KEL: variants seen among roughly 807,000 people sequenced by gnomAD.
The protein encoded by KEL is kell blood group glycoprotein.
A neutral mutation model predicts 99.5 loss-of-function variants in KEL; 96 were observed. That is an observed-to-expected ratio of 0.97 (90% CI 0.82 to 1.14). KEL has a LOEUF of 1.14. KEL is among the 50% of genes most tolerant of loss of function. KEL has a pLI of 0.00. For missense variants in KEL, 926 were observed against 924.2 expected (o/e 1.00, Z -0.03); for synonymous variants, 355 against 354.8 (o/e 1.00, Z -0.01).
intron 9 of KEL, chr7:142,953,398 T>A: frequency 1.8e-5 from 18 of 984,830 alleles, no homozygotes; most frequent in Non-Finnish European, 2.2e-5. Context: ...GTTCATCTCC[T>A]CATCTCATGT....
rs1191612150 is a variant in KEL, at chr7:142,953,976, G to T, written c.925-20C>A. 2.5e-6 allele frequency: 4 copies of T among 1,612,272 alleles called. No individual in the cohort carries two copies. The highest frequency in any genetic ancestry group is 3.3e-5 in the Admixed American group (2 of 60,008). ...CATTTCCTTAGAGGAGGGACACAAA[G>T]CTGAGGGGGAAAAGGAAAAGAGAAG... is the stretch of plus-strand genomic sequence containing the variant. On this transcript the variant is annotated intron_variant, in intron 8 of 18. Coordinates refer to ENST00000355265, the MANE Select transcript of KEL (RefSeq NM_000420.3).
At chr7:142,948,759 A>G (rs750485479) in intron 10 of KEL, among the ~76,000 whole-genome samples, 9 of 152,184 alleles carry the variant, frequency 5.9e-5, no homozygotes, top group Non-Finnish European at 1.3e-4. Context: ...CAGAGGCATA[A>G]CAGAGAACAG....
chr7:142,952,947 T>A (rs530003358), intron 9 of KEL, among the ~76,000 whole-genome samples: 1 of 152,142 alleles, frequency 6.6e-6, no homozygotes, highest in Non-Finnish European at 1.5e-5. Context: ...AGTCAAGATA[T>A]CTCTGGTTAT....
At chr7:142,961,705 C>G in intron 2 of KEL, 90 bp downstream of exon 2, 1 of 1,319,952 alleles carries the variant, frequency 7.6e-7, no homozygotes, top group Non-Finnish European at 1.1e-6. Context: ...GAGGATGAAG[C>G]AGACAGTTAG....
chr7:142,942,448 G>T lies in KEL; in HGVS notation c.2023C>A (p.Arg675=), dbSNP rs61729047. 2 of 1,598,916 alleles carry T rather than the reference G, an allele frequency of 1.3e-6. No homozygotes were observed. Among genetic ancestry groups the T allele is most frequent in the East Asian group, 4.5e-5 (2 of 44,490 alleles). Residue 675 remains arginine, a synonymous_variant, in exon 18 of 19, where the codon CGA becomes AGA. Coordinates refer to ENST00000355265, the MANE Select transcript of KEL (RefSeq NM_000420.3). ...CCGCTGCCTACCTGGGCATAGCTTC[G>T]AAAGAAGATCTGCTGGGGGCTGAGG... ...LDLSPQQIFF[R]SYAQVMCRKP...
intron 4 of KEL, among the ~76,000 whole-genome samples, chr7:142,960,276 C>G (rs975189714): frequency 3.3e-5 from 5 of 152,226 alleles, no homozygotes; most frequent in Non-Finnish European, 7.3e-5. Flanking sequence ...CATCATCCAT[C>G]ATCTCCAATC....
chr7:142,953,003 GCT>G (rs756089271), intron 9 of KEL, among the ~76,000 whole-genome samples: 4 of 152,108 alleles, frequency 2.6e-5, no homozygotes, highest in Non-Finnish European at 4.4e-5. Context: ...CTCTGTGACT[GCT>G]CTCTCCTCCA....
intron 11 of KEL, 93 bp downstream of exon 11, chr7:142,946,114 C>T (rs1330947824): frequency 3.4e-6 from 3 of 894,556 alleles, no homozygotes; most frequent in African/African-American, 3.3e-5. Flanking sequence ...CAATCACACA[C>T]ACCACTGAGA....
In KEL at chr7:142,944,438, G is replaced by A. The variant is rs368819575; in HGVS notation, c.1414-38C>T. On this transcript the variant is annotated intron_variant, in intron 12 of 18. Transcript: ENST00000355265. ...ACAGAAGAGGCTAGGAATACTCTCC[G>A]AGTCTACCAGAGGAAATTTCTCCCA... is the stretch of plus-strand genomic sequence containing the variant. The A allele has an allele frequency of 3.2e-5, 49 of 1,519,064 alleles. No individual in the cohort carries two copies. In the African/African-American group the frequency reaches 3.8e-4, roughly 12 times the overall value. The allele number at this position is 1,519,064 out of a possible 1,614,324, so 94.1% of individuals were successfully genotyped here.
At chr7:142,942,214 T>G in intron 18 of KEL, 1 of 584,690 alleles carries the variant, frequency 1.7e-6, no homozygotes, top group Non-Finnish European at 3.0e-6. Flanking sequence ...TTCTACCTTT[T>G]GAGTTGTGGG....
chr7:142,949,068 C>G (rs142629640), intron 10 of KEL, among the ~76,000 whole-genome samples: 1 of 152,284 alleles, frequency 6.6e-6, no homozygotes, highest in African/African-American at 2.4e-5. Flanking sequence ...ACCATCCTAC[C>G]ACTGAATAGA....
In KEL at chr7:142,942,303, A is replaced by C. The variant is rs573400837; in HGVS notation, c.2037+131T>G. On this transcript the variant is annotated intron_variant, in intron 18 of 18. Coordinates refer to ENST00000355265, the MANE Select transcript of KEL (RefSeq NM_000420.3). The stretch of plus-strand genomic sequence containing the variant: ...GTAGGGAGGGAAGAGAAAAGATAAC[A>C]GTGAGGACATCTGCAGAAGAGGGTT... 6 of 689,622 alleles carry C rather than the reference A, an allele frequency of 8.7e-6. No individual in the cohort carries two copies. The East Asian group carries it at 1.4e-4, about 16-fold the overall frequency. 42.7% of individuals were successfully genotyped at this position (689,622 alleles called of 1,614,324 possible).
chr7:142,944,831 C>G (rs778503796), intron 11 of KEL, 90 bp from the exon 12 acceptor site: 219 of 1,049,878 alleles, frequency 2.1e-4, no homozygotes, highest in Non-Finnish European at 1.8e-4. Context: ...TGGAAAAGGG[C>G]TTGGCCCCAA....
chr7:142,954,661 G>T, intron 6 of KEL, 134 bp from the exon 7 acceptor site: 1 of 819,372 alleles, frequency 1.2e-6, no homozygotes, highest in Non-Finnish European at 2.1e-6. Flanking sequence ...AGAAGCAAGA[G>T]TACAAAGAAA....
chr7:142,957,982 G>C lies in KEL; in HGVS notation c.526-9C>G. 1 of 1,613,400 alleles carries C rather than the reference G, an allele frequency of 6.2e-7. No homozygotes were observed. The highest frequency in any genetic ancestry group is 8.5e-7 in the Non-Finnish European group (1 of 1,179,682). ...ATGCGCCAGCCTCCAAGCTTTAAAG[G>C]AGAGAGAGGGGGCTGAGCATAAGGA... On this transcript the variant is annotated splice_polypyrimidine_tract_variant and intron_variant, in intron 5 of 18. Transcript: ENST00000355265.
chr7:142,957,793 GGT>G, intron 6 of KEL, 32 bp downstream of exon 6: 1 of 1,613,110 alleles, frequency 6.2e-7, no homozygotes, highest in South Asian at 1.1e-5. Flanking sequence ...AGGCAGGCCA[GGT>G]CCAACTGTGT....
At chr7:142,944,012 G>C (rs1395540100) in intron 13 of KEL, 129 bp from the exon 14 acceptor site, 2 of 774,438 alleles carry the variant, frequency 2.6e-6, no homozygotes, top group East Asian at 2.7e-5. Context: ...GATTAGGAGA[G>C]AGCAGCCCAA....
chr7:142,955,762 C>T (rs921627910), intron 6 of KEL, among the ~76,000 whole-genome samples: 1 of 152,172 alleles, frequency 6.6e-6, no homozygotes, highest in Non-Finnish European at 1.5e-5. Context: ...TCACTTGACC[C>T]TTTTGCTACA....
intron 4 of KEL, 97 bp from the exon 5 acceptor site, chr7:142,958,525 A>G: frequency 9.0e-7 from 1 of 1,115,212 alleles, no homozygotes. Flanking sequence ...GCCCTATATC[A>G]TAAGTTCTCA....
Sources: allele counts gnomAD v4.1 joint callset (sites outside exome capture counted in the v4.1 genomes callset), GRCh38; gene constraint gnomAD v4.1.1; transcripts MANE v1.5; gene names NCBI Gene and HGNC (gene_info 2026-07-23, HGNC 2026-07-21).